STARD13: variants seen among roughly 807,000 people sequenced by gnomAD.
STARD13 encodes StAR related lipid transfer domain containing 13, also known as stAR-related lipid transfer protein 13.
A neutral mutation model predicts 106.4 loss-of-function variants in STARD13; 62 were observed. That is an observed-to-expected ratio of 0.58 (90% confidence interval 0.48 to 0.72). The LOEUF is 0.72. Ranked by LOEUF, STARD13 falls within the 30% of genes least tolerant of loss-of-function variation. The pLI is 0.00. For synonymous variants in STARD13, 565 were observed against 553.0 expected (o/e 1.02, Z -0.31); for missense variants, 1,387 against 1,424.0 (o/e 0.97, Z 0.42).
At chr13:33,480,036 T>C in the STARD13 span, among the ~76,000 whole-genome samples, 2 of 152,238 alleles carry the variant, frequency 1.3e-5, no homozygotes, top group African/African-American at 4.8e-5. Context: ...AATGAACTAA[T>C]ACAATTCTTA....
the STARD13 span, among the ~76,000 whole-genome samples, chr13:33,401,007 C>G: frequency 6.6e-6 from 1 of 152,198 alleles, no homozygotes; most frequent in Non-Finnish European, 1.5e-5. Flanking sequence ...AAGAGAATGA[C>G]TGTAGATCCT....
At chr13:33,126,959 A>G (rs2138149241) in intron 6 of STARD13, among the ~76,000 whole-genome samples, 1 of 152,360 alleles carries the variant, frequency 6.6e-6, no homozygotes, top group South Asian at 2.1e-4. Context: ...GCAGAAATGT[A>G]TTTGAAGAAT....
At chr13:33,326,144 C>T (rs2077773587) in intron 1 of STARD13, among the ~76,000 whole-genome samples, 1 of 152,062 alleles carries the variant, frequency 6.6e-6, no homozygotes, top group South Asian at 2.1e-4. Flanking sequence ...ATCAGCGCTT[C>T]CTTTCAGAAC....
the STARD13 span, among the ~76,000 whole-genome samples, chr13:33,425,234 G>A: frequency 6.6e-6 from 1 of 152,140 alleles, no homozygotes; most frequent in African/African-American, 2.4e-5. Flanking sequence ...CCTCCTATTT[G>A]GAAAGAGCTT....
the STARD13 span, among the ~76,000 whole-genome samples, chr13:33,364,302 C>CA: frequency 6.6e-6 from 1 of 152,064 alleles, no homozygotes; most frequent in Admixed American, 6.5e-5. Context: ...TCCTTCTCAA[C>CA]AAAAAATAAA....
intron 1 of STARD13, among the ~76,000 whole-genome samples, chr13:33,278,934 G>T (rs1891604886): frequency 6.6e-6 from 1 of 152,096 alleles, no homozygotes; most frequent in Non-Finnish European, 1.5e-5. Context: ...TAATGAGGTG[G>T]AATGTAAATT....
chr13:33,666,212 A>G, the STARD13 span, among the ~76,000 whole-genome samples: 4 of 152,200 alleles, frequency 2.6e-5, no homozygotes, highest in South Asian at 8.3e-4. Context: ...TTCATTTTGC[A>G]TTGTTGTTTT....
the STARD13 span, among the ~76,000 whole-genome samples, chr13:33,358,100 G>A: frequency 6.6e-6 from 1 of 152,248 alleles, no homozygotes; most frequent in Admixed American, 6.5e-5. Context: ...GCTGGCCCCG[G>A]GCAATGAGGG....
the STARD13 span, among the ~76,000 whole-genome samples, chr13:33,369,615 T>G: frequency 2.6e-4 from 40 of 152,358 alleles, no homozygotes; most frequent in African/African-American, 9.6e-4. Flanking sequence ...CAAATGTCAC[T>G]TGTTTTAGGC....
the STARD13 span, among the ~76,000 whole-genome samples, chr13:33,535,729 G>A: frequency 6.6e-6 from 1 of 152,166 alleles, no homozygotes; most frequent in Non-Finnish European, 1.5e-5. Flanking sequence ...AAGTAAATAT[G>A]TTCTAGCCCT....
At chr13:33,405,292 A>T in the STARD13 span, among the ~76,000 whole-genome samples, 3 of 152,206 alleles carry the variant, frequency 2.0e-5, no homozygotes, top group Non-Finnish European at 2.9e-5. Flanking sequence ...TTTCCTCCAC[A>T]CTTCGCGTGC....
chr13:33,197,416 TTGTG>T (rs142681141), intron 1 of STARD13, among the ~76,000 whole-genome samples: 394 of 148,132 alleles, frequency 2.7e-3, no homozygotes, highest in Non-Finnish European at 4.3e-3. Flanking sequence ...AGGAAGAGAG[TTGTG>T]TGTGTGTGTG....
intron 1 of STARD13, among the ~76,000 whole-genome samples, chr13:33,182,732 T>C (rs1308171045): frequency 6.6e-6 from 1 of 152,260 alleles, no homozygotes; most frequent in Non-Finnish European, 1.5e-5. Context: ...TCTCATTTTG[T>C]CTAAACCAGG....
At chr13:33,366,434 G>T in the STARD13 span, among the ~76,000 whole-genome samples, 1 of 152,104 alleles carries the variant, frequency 6.6e-6, no homozygotes, top group Admixed American at 6.5e-5. This position sits in a 1 kb window ranked among gnomAD's most constrained non-coding sequence, Gnocchi z 4.2. Flanking sequence ...TTCTAAAAAA[G>T]ATTATTTAGA....
At chr13:33,223,810 A>C (rs2138186525) in intron 1 of STARD13, among the ~76,000 whole-genome samples, 1 of 152,254 alleles carries the variant, frequency 6.6e-6, no homozygotes, top group South Asian at 2.1e-4. Context: ...ACATTTATAA[A>C]ATGAGAATAA....
the STARD13 span, among the ~76,000 whole-genome samples, chr13:33,391,193 A>C: frequency 6.6e-6 from 1 of 152,312 alleles, no homozygotes; most frequent in East Asian, 1.9e-4. Flanking sequence ...AACAATTTAG[A>C]TCAGGTTTAA....
At chr13:33,207,640 C>T (rs1887493709) in intron 1 of STARD13, among the ~76,000 whole-genome samples, 1 of 152,200 alleles carries the variant, frequency 6.6e-6, no homozygotes, top group Middle Eastern at 3.2e-3. Context: ...CCCTCAACTC[C>T]ACCCCTTTCC....
chr13:33,569,929 C>T, the STARD13 span, among the ~76,000 whole-genome samples: 6 of 146,734 alleles, frequency 4.1e-5, no homozygotes, highest in Non-Finnish European at 9.0e-5. Flanking sequence ...AGGGTGGGAG[C>T]GGGATGAGGG....
At chr13:33,217,635 G>A (rs967880764) in intron 1 of STARD13, among the ~76,000 whole-genome samples, 4 of 152,174 alleles carry the variant, frequency 2.6e-5, no homozygotes, top group African/African-American at 9.7e-5. Context: ...GCATCAGAAA[G>A]CCCTTCCAAA....
Sources: gnomAD v4.1 joint callset for allele counts (sites outside exome capture counted in the v4.1 genomes callset) on GRCh38, gnomAD v4.1.1 for gene constraint, Gnocchi (gnomAD v3.1) non-coding constraint, MANE v1.5 for transcripts, NCBI Gene and HGNC (gene_info 2026-07-23, HGNC 2026-07-21) for gene names.